Variants in CACNA2D3 observed in about 807,000 individuals in gnomAD.
CACNA2D3 encodes voltage-dependent calcium channel subunit alpha-2/delta-3.
A neutral mutation model predicts 160.6 loss-of-function variants in CACNA2D3; 60 were observed. The ratio of observed to expected loss-of-function variants is 0.37; its 90% CI spans 0.30 to 0.46. The LOEUF (loss-of-function observed/expected upper bound fraction) is 0.46. Among genes scored for constraint, CACNA2D3 ranks in the 20% least tolerant of loss-of-function variants. The probability of loss-of-function intolerance (pLI) is 1.00; values close to 1 mark genes in which losing one functional copy is unlikely to be tolerated. For missense variants in CACNA2D3, 1,205 were observed against 1,365.0 expected, an observed-to-expected ratio of 0.88 and a Z score of 1.85; for synonymous variants, 558 against 492.9, an observed-to-expected ratio of 1.13 and a Z score of -1.75.
At chr3:54,380,685 C>A (rs138436210) in intron 3 of CACNA2D3, among the ~76,000 whole-genome samples, 1 of 152,008 alleles carries the variant, frequency 6.6e-6, no homozygotes, top group Admixed American at 6.5e-5. Flanking sequence ...TGCAGTGAGC[C>A]GAGATCACCT....
At chr3:55,000,513 T>G (rs1308931493) in intron 31 of CACNA2D3, among the ~76,000 whole-genome samples, 1 of 152,216 alleles carries the variant, frequency 6.6e-6, no homozygotes, top group East Asian at 1.9e-4. Flanking sequence ...GGCACATGTA[T>G]TCCTATGGAA....
At chr3:54,194,977 G>A (rs932123946) in intron 2 of CACNA2D3, among the ~76,000 whole-genome samples, 1 of 152,118 alleles carries the variant, frequency 6.6e-6, no homozygotes, top group Admixed American at 6.5e-5. Flanking sequence ...CTTTTCTCTC[G>A]CCGGTTGTAC....
intron 2 of CACNA2D3, among the ~76,000 whole-genome samples, chr3:54,147,000 C>A (rs1173156826): frequency 1.3e-5 from 2 of 152,244 alleles, no homozygotes; most frequent in African/African-American, 4.8e-5. Flanking sequence ...GAAAATTTCC[C>A]CTTTCAGTGA....
At chr3:54,835,939 G>T (rs1698669892) in intron 14 of CACNA2D3, among the ~76,000 whole-genome samples, 1 of 152,160 alleles carries the variant, frequency 6.6e-6, no homozygotes, top group African/African-American at 2.4e-5. Flanking sequence ...CAACAGTGCT[G>T]GGGAATAGTG....
In CACNA2D3 at chr3:55,004,892, T is replaced by C. The variant is rs563794400; in HGVS notation, c.2766+54T>C. 5 of 1,234,478 alleles carry C rather than the reference T, an allele frequency of 4.1e-6. No individual in the cohort carries two copies. In the African/African-American group the frequency reaches 7.4e-5, roughly 18 times the overall value. 76.5% of individuals were successfully genotyped at this position (1,234,478 alleles called of 1,614,324 possible). A position where few individuals can be genotyped will look rare whatever the true frequency, so the allele number is the denominator to read the frequency against. ...AGCCACACATTTCTGTCTTTCTCCC[T>C]GTCTGAGTGTTATCTTCCTCTTTGG... On this transcript the variant is annotated intron_variant, in intron 32 of 37. Coordinates refer to ENST00000474759, the MANE Select transcript of CACNA2D3 (RefSeq NM_018398.3).
At chr3:54,611,256 GT>G (rs1698744002) in intron 9 of CACNA2D3, among the ~76,000 whole-genome samples, 1 of 152,184 alleles carries the variant, frequency 6.6e-6, no homozygotes, top group South Asian at 2.1e-4. Context: ...GATGCATGGG[GT>G]TTAGCTGTGT....
At chr3:54,813,458 G>C (rs1008841672) in intron 13 of CACNA2D3, among the ~76,000 whole-genome samples, 3 of 152,094 alleles carry the variant, frequency 2.0e-5, no homozygotes, top group Admixed American at 6.6e-5. Flanking sequence ...TCTATACCAG[G>C]CATGTGGGAA....
chr3:54,160,881 A>C (rs1420612671), intron 2 of CACNA2D3, among the ~76,000 whole-genome samples: 1 of 152,158 alleles, frequency 6.6e-6, no homozygotes, highest in Non-Finnish European at 1.5e-5. Flanking sequence ...ATGTCAAAGG[A>C]GTAAGAAATT....
chr3:54,747,087 T>C (rs1431550466), intron 11 of CACNA2D3, among the ~76,000 whole-genome samples: 7 of 152,154 alleles, frequency 4.6e-5, no homozygotes, highest in South Asian at 4.1e-4. Context: ...TTCCTGGAAA[T>C]GGCTCCAGTG....
At chr3:54,283,279 TG>T (rs1187016967) in intron 2 of CACNA2D3, among the ~76,000 whole-genome samples, 1 of 152,198 alleles carries the variant, frequency 6.6e-6, no homozygotes, top group African/African-American at 2.4e-5. Context: ...TGGACTGCCC[TG>T]GGGTAAAATC....
intron 4 of CACNA2D3, among the ~76,000 whole-genome samples, chr3:54,425,867 G>A (rs1490925145): frequency 6.6e-6 from 1 of 152,246 alleles, no homozygotes; most frequent in Non-Finnish European, 1.5e-5. Flanking sequence ...GGCTCAATGA[G>A]TGATCTTGCT....
intron 11 of CACNA2D3, among the ~76,000 whole-genome samples, chr3:54,737,086 T>C (rs1040872702): frequency 6.6e-6 from 1 of 152,198 alleles, no homozygotes; most frequent in Non-Finnish European, 1.5e-5. Context: ...AATAACCTTA[T>C]TCATTTTTGG....
chr3:54,650,991 A>G (rs906340832), intron 11 of CACNA2D3, among the ~76,000 whole-genome samples: 1 of 152,224 alleles, frequency 6.6e-6, no homozygotes, highest in Non-Finnish European at 1.5e-5. Flanking sequence ...AAACTGAGGC[A>G]TGAAGAGGCT....
chr3:54,373,028 G>A (rs1303059930), intron 3 of CACNA2D3, among the ~76,000 whole-genome samples: 1 of 152,204 alleles, frequency 6.6e-6, no homozygotes, highest in Non-Finnish European at 1.5e-5. Context: ...TATCATGCCA[G>A]TGCTGGTTCC....
chr3:54,338,828 G>A (rs1021303472), intron 3 of CACNA2D3, among the ~76,000 whole-genome samples: 6 of 152,082 alleles, frequency 3.9e-5, no homozygotes, highest in Admixed American at 6.6e-5. Flanking sequence ...AGGAAGGAAC[G>A]GCCTGTAAAA....
intron 4 of CACNA2D3, among the ~76,000 whole-genome samples, chr3:54,480,109 T>C (rs554490200): frequency 6.6e-6 from 1 of 152,192 alleles, no homozygotes; most frequent in Non-Finnish European, 1.5e-5. Context: ...TTTGGGAGTC[T>C]GAGGCAGGAG....
At chr3:54,276,108 A>G (rs57150234) in intron 2 of CACNA2D3, among the ~76,000 whole-genome samples, 20,041 of 152,150 alleles carry the variant, frequency 0.13, 1,468 homozygotes, top group African/African-American at 0.19. Context: ...CCCTCCCTGC[A>G]GGGATGGGTT....
Position 54,968,436 on chromosome 3 carries a change from A to C in CACNA2D3, c.2450-14A>C. 6.3e-7 allele frequency: 1 copy of C among 1,588,162 alleles called. No individual in the cohort carries two copies. The highest frequency in any genetic ancestry group is 8.6e-7 in the Non-Finnish European group (1 of 1,160,620). ...GGATCACTAATGCCTTGTTTTATTT[A>C]TAATTTGTCCCAGCTGTAGGCATTC... On this transcript the variant is annotated splice_polypyrimidine_tract_variant and intron_variant, in intron 27 of 37. Coordinates refer to ENST00000474759, the MANE Select transcript of CACNA2D3 (RefSeq NM_018398.3).
At chr3:54,689,834 C>T (rs879685536) in intron 11 of CACNA2D3, among the ~76,000 whole-genome samples, 6 of 152,136 alleles carry the variant, frequency 3.9e-5, no homozygotes, top group Non-Finnish European at 8.8e-5. Flanking sequence ...CTGTTTTCAG[C>T]ACAACAGCCA....
Sources: gnomAD v4.1 joint callset for allele counts (sites outside exome capture counted in the v4.1 genomes callset) on GRCh38, gnomAD v4.1.1 for gene constraint, MANE v1.5 for transcripts, NCBI Gene and HGNC (gene_info 2026-07-23, HGNC 2026-07-21) for gene names.